Variants in DOCK1 observed in about 807,000 individuals in gnomAD.
The protein encoded by DOCK1 is dedicator of cytokinesis 1.
In DOCK1, 138 loss-of-function variants were observed where a neutral mutation model predicts 262.7. The ratio of observed to expected loss-of-function variants is 0.53; its 90% confidence interval spans 0.46 to 0.61. The LOEUF (loss-of-function observed/expected upper bound fraction) is 0.61. DOCK1 is among the 20% of genes least tolerant of loss of function. DOCK1 has a pLI of 0.00. For synonymous variants in DOCK1, 866 were observed against 867.4 expected (o/e 1.00, Z 0.03); for missense variants, 1,908 against 2,370.7 (o/e 0.80, Z 4.05).
chr10:127,233,852 G>A (rs887814217), intron 27 of DOCK1, among the ~76,000 whole-genome samples: 1 of 152,158 alleles, frequency 6.6e-6, no homozygotes. Flanking sequence ...TCCCTTCTTA[G>A]TAAAAATGTA....
At chr10:127,263,876 G>A (rs1302156313) in intron 29 of DOCK1, among the ~76,000 whole-genome samples, 1 of 152,184 alleles carries the variant, frequency 6.6e-6, no homozygotes, top group African/African-American at 2.4e-5. Context: ...TCGTGCTCCA[G>A]TAGGGTGCTT....
At chr10:126,949,150 C>G (rs916636231) in intron 1 of DOCK1, among the ~76,000 whole-genome samples, 1 of 152,208 alleles carries the variant, frequency 6.6e-6, no homozygotes, top group Admixed American at 6.5e-5. Flanking sequence ...CCCCTCTGCA[C>G]TTGTTTGCTG....
intron 1 of DOCK1, among the ~76,000 whole-genome samples, chr10:126,966,788 C>T (rs1489279182): frequency 6.6e-6 from 1 of 152,114 alleles, no homozygotes; most frequent in East Asian, 1.9e-4. Flanking sequence ...TTCACACTCT[C>T]CTAGAAAAAG....
At chr10:127,078,536 G>A (rs1390818230) in intron 23 of DOCK1, among the ~76,000 whole-genome samples, 1 of 152,152 alleles carries the variant, frequency 6.6e-6, no homozygotes, top group African/African-American at 2.4e-5. Flanking sequence ...GACATTCTGT[G>A]TATGCGCAAT....
At chr10:127,338,407 C>G (rs1458554282) in intron 29 of DOCK1, among the ~76,000 whole-genome samples, 1 of 152,198 alleles carries the variant, frequency 6.6e-6, no homozygotes, top group African/African-American at 2.4e-5. Context: ...ATCAATGAAT[C>G]AAGAAATTAA....
chr10:127,373,724 T>G, intron 33 of DOCK1, 57 bp from the exon 34 acceptor site: 1 of 1,462,374 alleles, frequency 6.8e-7, no homozygotes, highest in Non-Finnish European at 9.4e-7. Context: ...GACACTCAAG[T>G]CATAAAATGA....
At chr10:127,171,658 C>T (rs2054585926) in intron 27 of DOCK1, among the ~76,000 whole-genome samples, 1 of 152,104 alleles carries the variant, frequency 6.6e-6, no homozygotes, top group Non-Finnish European at 1.5e-5. Context: ...TTCTCCAGCT[C>T]CTGATTTGTA....
At chr10:127,201,167 C>A (rs1432155040) in intron 27 of DOCK1, among the ~76,000 whole-genome samples, 1 of 152,224 alleles carries the variant, frequency 6.6e-6, no homozygotes, top group Non-Finnish European at 1.5e-5. Flanking sequence ...CCCAGTGGGG[C>A]CTCCTTTTCT....
chr10:126,956,013 C>T (rs1271630181), intron 1 of DOCK1, among the ~76,000 whole-genome samples: 2 of 152,130 alleles, frequency 1.3e-5, no homozygotes, highest in Non-Finnish European at 2.9e-5. Context: ...AAGTCGGGAG[C>T]CTTGGCTCCC....
At chr10:127,343,625 C>T in intron 30 of DOCK1, 21 bp from the exon 31 acceptor site, 1 of 1,586,362 alleles carries the variant, frequency 6.3e-7, no homozygotes, top group South Asian at 1.2e-5. Flanking sequence ...AACTTAGCAT[C>T]TCCTCCTTTT....
rs1297000563 is a variant in DOCK1 at position 126,987,682 on chromosome 10, G to A, written c.324+65G>A. 7.5e-6 allele frequency: 10 copies of A among 1,328,078 alleles called. No homozygotes were observed. The Middle Eastern group carries it at 1.5e-3, about 197-fold the overall frequency. 82.3% of individuals were successfully genotyped at this position (1,328,078 alleles called of 1,614,324 possible). A position where few individuals can be genotyped will look rare whatever the true frequency, so the allele number is the denominator to read the frequency against. On this transcript the variant is annotated intron_variant, in intron 5 of 51. Coordinates refer to ENST00000623213, the MANE Select transcript of DOCK1 (RefSeq NM_001290223.2). ...GAGTGGGCTTTTTTGACCCTGATAT[G>A]CCAATGGGATGTTTTTTTTTCTCAG...
intron 1 of DOCK1, among the ~76,000 whole-genome samples, chr10:126,951,284 G>A (rs933720674): frequency 6.6e-6 from 1 of 151,452 alleles, no homozygotes; most frequent in African/African-American, 2.4e-5. Context: ...ATTGTTGGTA[G>A]TATTGGTAGT....
chr10:127,350,646 A>G (rs751924339), intron 31 of DOCK1, among the ~76,000 whole-genome samples: 8 of 151,980 alleles, frequency 5.3e-5, no homozygotes, highest in Non-Finnish European at 7.4e-5. Flanking sequence ...TATTTTATTA[A>G]TGTTCGTCTC....
chr10:127,374,322 C>T (rs1002676526), intron 35 of DOCK1, 108 bp downstream of exon 35: 23 of 1,355,178 alleles, frequency 1.7e-5, no homozygotes, highest in Admixed American at 3.0e-5. Flanking sequence ...AGCTTTCCAC[C>T]GCAGAACAAT....
chr10:127,336,218 C>T (rs1414179112), intron 29 of DOCK1, among the ~76,000 whole-genome samples: 1 of 152,118 alleles, frequency 6.6e-6, no homozygotes, highest in Non-Finnish European at 1.5e-5. Flanking sequence ...GCTGTGTTTC[C>T]GTCCCGTCAG....
Position 127,175,276 on chromosome 10 carries a change from C to G in DOCK1, c.2847+47512C>G. ...ACCCCCAAGAGCACTTTGATGGTTT[C>G]TTGGCTTGAACTGATCAAGTTCTCC... On this transcript the variant is annotated intron_variant, in intron 27 of 51. Coordinates refer to ENST00000623213, the MANE Select transcript of DOCK1 (RefSeq NM_001290223.2). This position sits in a 1 kb window ranked among gnomAD's most constrained non-coding sequence, Gnocchi z 6.3. The G allele has an allele frequency of 1.9e-6, 3 of 1,614,122 alleles. No homozygotes were observed. Among genetic ancestry groups the G allele is most frequent in the Non-Finnish European group, 2.5e-6 (3 of 1,180,016 alleles).
intron 18 of DOCK1, among the ~76,000 whole-genome samples, chr10:127,033,229 A>G (rs2043363398): frequency 6.7e-6 from 1 of 148,272 alleles, no homozygotes; most frequent in Admixed American, 6.8e-5. Flanking sequence ...TTCTAGCCCT[A>G]CTCGTGCTGT....
At position 127,446,366 on chromosome 10, in the gene DOCK1, G is replaced by C. The variant is rs532230363; in HGVS notation, c.5414-1028G>C. Reference sequence around the variant, plus strand: ...GAATTCCGTTTGGGGTGATGGAAATGTTTCAGAAATACATCATGGTGATGG... The same window carrying C: ...GAATTCCGTTTGGGGTGATGGAAATCTTTCAGAAATACATCATGGTGATGG... On this transcript the variant is annotated intron_variant, in intron 50 of 51. Transcript: ENST00000623213. The surrounding 1 kb of genome is among the most constrained non-coding windows in gnomAD (Gnocchi z 4.4). 3.7e-4 allele frequency among the ~76,000 whole-genome samples: 56 copies of C among 152,286 alleles called. 2 individuals carry two copies. The South Asian group carries it at 0.012, about 32-fold the overall frequency.
Position 127,048,656 on chromosome 10 carries a change from A to G in DOCK1, c.2202-4025A>G, listed in dbSNP as rs563972952. The stretch of plus-strand genomic sequence containing the variant: ...CTCGTGTGGCTATTTAAATAAAATT[A>G]AACTAAACAATTACTTCCGCAGTTG... On this transcript the variant is annotated intron_variant, in intron 21 of 51. Coordinates refer to ENST00000623213, the MANE Select transcript of DOCK1 (RefSeq NM_001290223.2). 2.6e-5 allele frequency among the ~76,000 whole-genome samples: 4 copies of G among 152,334 alleles called. No homozygotes were observed. The South Asian group carries it at 8.3e-4, about 32-fold the overall frequency.
Sources: gnomAD v4.1 joint callset for allele counts (sites outside exome capture counted in the v4.1 genomes callset) on GRCh38, gnomAD v4.1.1 for gene constraint, Gnocchi (gnomAD v3.1) non-coding constraint, MANE v1.5 for transcripts, NCBI Gene and HGNC (gene_info 2026-07-23, HGNC 2026-07-21) for gene names.